PRELID2: variants seen among roughly 807,000 people sequenced by gnomAD.
PRELID2 encodes PRELI domain-containing protein 2.
In PRELID2, 25 loss-of-function variants were observed where a neutral mutation model predicts 28.4. The ratio of observed to expected loss-of-function variants is 0.88; its 90% CI spans 0.64 to 1.23. The LOEUF (loss-of-function observed/expected upper bound fraction) is 1.23. PRELID2 is among the 50% of genes most tolerant of loss of function. PRELID2 has a pLI of 0.00. For missense variants in PRELID2, 201 were observed against 214.4 expected, an observed-to-expected ratio of 0.94 and a Z score of 0.39; for synonymous variants, 76 against 71.6, an observed-to-expected ratio of 1.06 and a Z score of -0.31.
the PRELID2 span, among the ~76,000 whole-genome samples, chr5:145,290,710 T>C: frequency 2.0e-5 from 3 of 152,140 alleles, no homozygotes; most frequent in East Asian, 5.8e-4. Flanking sequence ...GTAACAAACC[T>C]GCACATTGTG....
At chr5:145,833,094 G>T (rs394717) in intron 1 of PRELID2, among the ~76,000 whole-genome samples, 102,839 of 152,014 alleles carry the variant, frequency 0.68, 35,947 homozygotes, top group Non-Finnish European at 0.78. Flanking sequence ...TTAACACAAA[G>T]CTTGGCACAC....
At chr5:145,474,885 G>C (rs1178649706) in intron 1 of PRELID2, among the ~76,000 whole-genome samples, 1 of 152,012 alleles carries the variant, frequency 6.6e-6, no homozygotes, top group African/African-American at 2.4e-5. Flanking sequence ...TTCCTCATGG[G>C]GTACACTGGA....
Position 145,485,765 on chromosome 5 carries a change from A to T in PRELID2, n.71-12450T>A, listed in dbSNP as rs563828849. On this transcript the variant is annotated intron_variant and non_coding_transcript_variant, in intron 1 of 2. Coordinates refer to the PRELID2 transcript ENST00000510259. ...ATCCATAAACATAAGGTACATGCTC[A>T]TTCTCCTGCCAAATTAAGCTGTTTA... 1.7e-4 allele frequency among the ~76,000 whole-genome samples: 26 copies of T among 152,296 alleles called. No individual in the cohort carries two copies. In the South Asian group the frequency reaches 4.8e-3, roughly 28 times the overall value.
chr5:145,458,821 T>C, the PRELID2 span, among the ~76,000 whole-genome samples: 1,508 of 151,496 alleles, frequency 1.0e-2, 12 homozygotes, highest in African/African-American at 0.021. Context: ...ATTTGTTTCT[T>C]TTATTATCTG....
intron 1 of PRELID2, among the ~76,000 whole-genome samples, chr5:145,505,269 T>C (rs1383935238): frequency 6.6e-6 from 1 of 152,152 alleles, no homozygotes; most frequent in Non-Finnish European, 1.5e-5. Context: ...CCATCATCAA[T>C]GCCACCACTA....
intron 1 of PRELID2, among the ~76,000 whole-genome samples, chr5:145,631,095 T>G (rs1753925904): frequency 6.6e-6 from 1 of 152,140 alleles, no homozygotes; most frequent in Non-Finnish European, 1.5e-5. Flanking sequence ...TAAATGAAGC[T>G]CCACACACAA....
chr5:145,307,215 G>T, the PRELID2 span, among the ~76,000 whole-genome samples: 2 of 152,148 alleles, frequency 1.3e-5, no homozygotes, highest in Non-Finnish European at 2.9e-5. Flanking sequence ...AGTTTAATAG[G>T]TATAGTTGGG....
chr5:145,343,283 A>G, the PRELID2 span, among the ~76,000 whole-genome samples: 1 of 151,998 alleles, frequency 6.6e-6, no homozygotes, highest in Non-Finnish European at 1.5e-5. Flanking sequence ...CCACAAAACA[A>G]GTCTCAACAA....
the PRELID2 span, among the ~76,000 whole-genome samples, chr5:145,299,482 G>T: frequency 2.6e-5 from 4 of 152,058 alleles, no homozygotes; most frequent in East Asian, 7.7e-4. Flanking sequence ...ATTACCTTCA[G>T]CTTTGATTTT....
At chr5:145,351,192 T>C in the PRELID2 span, among the ~76,000 whole-genome samples, 1 of 152,138 alleles carries the variant, frequency 6.6e-6, no homozygotes, top group South Asian at 2.1e-4. Flanking sequence ...TTTCATTCAC[T>C]CAGATTCTCT....
intron 1 of PRELID2, among the ~76,000 whole-genome samples, chr5:145,708,839 A>C (rs546336636): frequency 4.6e-5 from 7 of 152,360 alleles, no homozygotes; most frequent in African/African-American, 1.7e-4. Flanking sequence ...ATAAATAGAG[A>C]TCCATCCAGA....
chr5:145,274,301 C>G, the PRELID2 span, among the ~76,000 whole-genome samples: 8 of 152,212 alleles, frequency 5.3e-5, no homozygotes, highest in African/African-American at 1.9e-4. Context: ...ATTTGCATTG[C>G]TAAAGACTTT....
chr5:145,378,686 A>G, the PRELID2 span, among the ~76,000 whole-genome samples: 1 of 152,126 alleles, frequency 6.6e-6, no homozygotes, highest in Non-Finnish European at 1.5e-5. Context: ...CAGTTTCTGC[A>G]TTGTTTTATT....
At chr5:145,821,732 G>C (rs527260795) in intron 2 of PRELID2, among the ~76,000 whole-genome samples, 82 of 152,312 alleles carry the variant, frequency 5.4e-4, no homozygotes, top group Admixed American at 1.6e-3. Flanking sequence ...ACACATACTC[G>C]AAATGGATTA....
chr5:145,412,390 T>C, the PRELID2 span, among the ~76,000 whole-genome samples: 1 of 152,156 alleles, frequency 6.6e-6, no homozygotes, highest in Non-Finnish European at 1.5e-5. Context: ...ATGCCACCAG[T>C]CTCTTTGCAT....
At chr5:145,304,935 A>G in the PRELID2 span, among the ~76,000 whole-genome samples, 1 of 152,204 alleles carries the variant, frequency 6.6e-6, no homozygotes, top group Non-Finnish European at 1.5e-5. Context: ...GATTTGGAAA[A>G]TATTTGTCGA....
At chr5:145,244,226 A>G in the PRELID2 span, among the ~76,000 whole-genome samples, 1 of 152,018 alleles carries the variant, frequency 6.6e-6, no homozygotes, top group Non-Finnish European at 1.5e-5. Context: ...AAGTGCTGGG[A>G]TTATAGGCCT....
At chr5:145,747,354 A>G (rs1215499944) in intron 1 of PRELID2, among the ~76,000 whole-genome samples, 1 of 152,194 alleles carries the variant, frequency 6.6e-6, no homozygotes, top group Non-Finnish European at 1.5e-5. Context: ...ATCACCACTG[A>G]CACCACAGAA....
the PRELID2 span, among the ~76,000 whole-genome samples, chr5:145,379,874 T>G: frequency 1.3e-5 from 2 of 152,138 alleles, no homozygotes; most frequent in Non-Finnish European, 2.9e-5. Context: ...CAAGCAAGCA[T>G]GTCCAGGCTA....
Sources: allele counts gnomAD v4.1 joint callset (sites outside exome capture counted in the v4.1 genomes callset), GRCh38; gene constraint gnomAD v4.1.1; transcripts MANE v1.5; gene names NCBI Gene and HGNC (gene_info 2026-07-23, HGNC 2026-07-21).